Variants in PIKFYVE observed in about 807,000 individuals in gnomAD.
PIKFYVE encodes phosphoinositide kinase, FYVE-type zinc finger containing.
Under a neutral mutation model 257.9 loss-of-function variants are expected in PIKFYVE, and 122 were observed. The observed-to-expected ratio is 0.47, with a 90% CI of 0.41 to 0.55. PIKFYVE has a LOEUF of 0.55. PIKFYVE is among the 20% of genes least tolerant of loss of function. PIKFYVE has a pLI of 0.00. For synonymous variants in PIKFYVE, 892 were observed against 868.9 expected, an observed-to-expected ratio of 1.03 and a Z score of -0.47; for missense variants, 2,160 against 2,536.6, an observed-to-expected ratio of 0.85 and a Z score of 3.19.
chr2:208,269,158 A>G (rs1428926229), intron 1 of PIKFYVE, among the ~76,000 whole-genome samples: 1 of 152,184 alleles, frequency 6.6e-6, no homozygotes, highest in African/African-American at 2.4e-5. Flanking sequence ...AAAGCATTTT[A>G]CCGAGACTGT....
rs759952630 is a variant in PIKFYVE, at chr2:208,345,165, C to T, written c.5082C>T (p.Asn1694=). Residue 1694 remains asparagine, a synonymous_variant, in exon 33 of 42, where the codon AAC becomes AAT. Transcript: ENST00000264380. The part of the protein sequence containing the change: ...LEELSKATQW[N]SAEEGLPTNS... ...AATTGTCTAAAGCGACTCAGTGGAA[C>T]AGTGCCGAAGAAGGGCTTCCAACAA... The T allele has an allele frequency of 6.2e-7, 1 of 1,612,788 alleles. No individual in the cohort carries two copies. Among genetic ancestry groups the T allele is most frequent in the Non-Finnish European group, 8.5e-7 (1 of 1,178,908 alleles).
Position 208,273,631 on chromosome 2 carries a change from T to G in PIKFYVE, c.220T>G (p.Trp74Gly), listed in dbSNP as rs745966180. 4 of 1,614,060 alleles carry G rather than the reference T, an allele frequency of 2.5e-6. No individual in the cohort carries two copies. The highest frequency in any genetic ancestry group is 3.4e-6 in the Non-Finnish European group (4 of 1,180,052). Residue 74 changes from tryptophan to glycine, a missense_variant, in exon 3 of 42, where the codon TGG becomes GGG. Trp to Gly is a radical substitution (Grantham distance 184). This residue lies in a region of PIKFYVE where 172 missense variants were observed against 180.6 expected (regional missense o/e 0.95). Transcript: ENST00000264380. Reference protein sequence around the residue: ...QGEQQPLSGSWTSPQLPSRTQ... With the variant: ...QGEQQPLSGSGTSPQLPSRTQ... ...AGAACAGCAGCCTTTGAGTGGAAGT[T>G]GGACCAGCCCTCAGCTCCCTTCGAG...
chr2:208,296,444 T>C (rs975978266), intron 7 of PIKFYVE, among the ~76,000 whole-genome samples: 12 of 152,300 alleles, frequency 7.9e-5, no homozygotes, highest in African/African-American at 2.6e-4. Context: ...AATTACCAAC[T>C]GGGAGGAACA....
chr2:208,275,696 T>C (rs1350814931), intron 3 of PIKFYVE, among the ~76,000 whole-genome samples: 3 of 152,212 alleles, frequency 2.0e-5, no homozygotes, highest in Admixed American at 2.0e-4. Context: ...GTAATTCTTT[T>C]TTTTCCCTCC....
At chr2:208,330,449 C>A in intron 22 of PIKFYVE, 74 bp from the exon 23 acceptor site, 1 of 1,565,932 alleles carries the variant, frequency 6.4e-7, no homozygotes, top group South Asian at 1.1e-5. Context: ...GTTCACTAGT[C>A]ATGCTGCACT....
intron 5 of PIKFYVE, among the ~76,000 whole-genome samples, chr2:208,279,568 A>G (rs1690541834): frequency 6.6e-6 from 1 of 152,100 alleles, no homozygotes; most frequent in African/African-American, 2.4e-5. Context: ...TCTTGAATTA[A>G]TTTTCGTATA....
intron 6 of PIKFYVE, 30 bp downstream of exon 6, chr2:208,285,963 G>C: frequency 6.3e-7 from 1 of 1,593,430 alleles, no homozygotes; most frequent in East Asian, 2.2e-5. Context: ...ATTTTATTTA[G>C]AGTTGAAAAA....
chr2:208,319,801 A>G (rs891411327), intron 16 of PIKFYVE, among the ~76,000 whole-genome samples: 13 of 152,162 alleles, frequency 8.5e-5, no homozygotes, highest in African/African-American at 2.9e-4. Context: ...AATTTATTCT[A>G]TTAGCAATAT....
At chr2:208,323,247 C>G (rs986317104) in intron 17 of PIKFYVE, among the ~76,000 whole-genome samples, 5 of 145,270 alleles carry the variant, frequency 3.4e-5, no homozygotes, top group African/African-American at 1.3e-4. Context: ...TCTCCTAATG[C>G]TATTCCTCCC....
rs1480343829 is a variant in PIKFYVE at position 208,325,399 on chromosome 2, C to T, written c.2588C>T (p.Ala863Val). ...ATCCTAATATTTATGATCTGTGTTG[C>T]TTATCATTCTCAACTAGAAATATCC... ...KEILIFMICV[A>V]YHSQLEISFL... The change falls in exon 20 of 42, where the codon GCT becomes GTT. Residue 863 changes from alanine (A) to valine (V), a missense_variant. Ala to Val is a moderately conservative substitution (Grantham distance 64). This residue lies in a region of PIKFYVE where 522 missense variants were observed against 514.6 expected (regional missense o/e 1.01). Coordinates refer to ENST00000264380, the MANE Select transcript of PIKFYVE (RefSeq NM_015040.4). 1 of 1,614,038 alleles carries T rather than the reference C, an allele frequency of 6.2e-7. No individual in the cohort carries two copies. Among genetic ancestry groups the T allele is most frequent in the African/African-American group, 1.3e-5 (1 of 74,920 alleles).
At position 208,317,066 on chromosome 2, in the gene PIKFYVE, G is replaced by A. The variant is rs1451529567; in HGVS notation, c.2008-801G>A. ...CGTAGGCATTACCATTCAGGACATA[G>A]GCATGGGCAAGGACTTCATGTCTAA... On this transcript the variant is annotated intron_variant, in intron 15 of 41. Coordinates refer to ENST00000264380, the MANE Select transcript of PIKFYVE (RefSeq NM_015040.4). 1.1e-4 allele frequency among the ~76,000 whole-genome samples: 17 copies of A among 148,634 alleles called. 1 individual carries two copies. In the East Asian group the frequency reaches 3.1e-3, roughly 27 times the overall value.
chr2:208,338,477 C>T, intron 28 of PIKFYVE, 31 bp from the exon 29 acceptor site: 1 of 1,602,810 alleles, frequency 6.2e-7, no homozygotes. Context: ...TTCATGTTTT[C>T]CATAAGAACA....
chr2:208,297,497 G>A (rs1272645297), intron 7 of PIKFYVE, among the ~76,000 whole-genome samples: 1 of 151,994 alleles, frequency 6.6e-6, no homozygotes, highest in East Asian at 1.9e-4. Context: ...TTTATACTGG[G>A]GAAATATTGG....
chr2:208,290,052 C>T (rs975741748), intron 7 of PIKFYVE, among the ~76,000 whole-genome samples: 1 of 152,170 alleles, frequency 6.6e-6, no homozygotes, highest in African/African-American at 2.4e-5. Context: ...CACACATGCA[C>T]AATCTTCATG....
At chr2:208,348,197 A>G (rs1308535912) in intron 35 of PIKFYVE, among the ~76,000 whole-genome samples, 174 bp downstream of exon 35, 2 of 152,202 alleles carry the variant, frequency 1.3e-5, no homozygotes, top group African/African-American at 4.8e-5. Flanking sequence ...GGAGAGTCCA[A>G]CTACTTTCAG....
At chr2:208,310,663 G>A (rs941908224) in intron 12 of PIKFYVE, among the ~76,000 whole-genome samples, 1 of 152,050 alleles carries the variant, frequency 6.6e-6, no homozygotes. Flanking sequence ...AGAAAACAAT[G>A]GATTGTACTC....
At chr2:208,328,868 T>G (rs1235201363) in intron 21 of PIKFYVE, among the ~76,000 whole-genome samples, 1 of 152,164 alleles carries the variant, frequency 6.6e-6, no homozygotes, top group Non-Finnish European at 1.5e-5. Flanking sequence ...GATTTTCAGA[T>G]TAGGGATGCC....
rs375631447 is a variant in PIKFYVE, at chr2:208,299,365, C to G, written c.1050+586C>G. On this transcript the variant is annotated intron_variant, in intron 8 of 41. Transcript: ENST00000264380. ...AGTGCAGTGGCGCAATCTCGGCTCA[C>G]TGCAACCTCCGCCTCCCAGGTTCCA... is the stretch of plus-strand genomic sequence containing the variant. Among the ~76,000 whole-genome samples, 218 of 152,220 alleles carry G rather than the reference C, an allele frequency of 1.4e-3. 6 individuals are homozygous for G. In the South Asian group the frequency reaches 0.019, roughly 14 times the overall value.
At chr2:208,290,415 C>T (rs10208004) in intron 7 of PIKFYVE, among the ~76,000 whole-genome samples, 141,617 of 152,270 alleles carry the variant, frequency 0.93, 66,382 homozygotes, top group Non-Finnish European at 0.98. Flanking sequence ...CCTACTAATA[C>T]GCATTTAAGT....
Sources: allele counts gnomAD v4.1 joint callset (sites outside exome capture counted in the v4.1 genomes callset), GRCh38; gene constraint gnomAD v4.1.1; regional missense constraint gnomAD v4.1.1; transcripts MANE v1.5; gene names NCBI Gene and HGNC (gene_info 2026-07-23, HGNC 2026-07-21).